PDZRN4: variants seen among roughly 807,000 people sequenced by gnomAD.
The protein encoded by PDZRN4 is PDZ domain containing ring finger 4.
PDZRN4 carries 70 observed loss-of-function variants against 99.0 expected under a neutral mutation model. The observed-to-expected ratio is 0.71, with a 90% CI of 0.58 to 0.86. The LOEUF (loss-of-function observed/expected upper bound fraction) is 0.86. Among genes scored for constraint, PDZRN4 ranks in the 40% least tolerant of loss-of-function variants. The pLI, the probability that PDZRN4 is intolerant of heterozygous loss-of-function variation, is 0.00. For synonymous variants in PDZRN4, 551 were observed against 501.6 expected, an observed-to-expected ratio of 1.10 and a Z score of -1.32; for missense variants, 1,474 against 1,331.2, an observed-to-expected ratio of 1.11 and a Z score of -1.67.
At chr12:41,465,876 C>T (rs1458174) in intron 3 of PDZRN4, among the ~76,000 whole-genome samples, 3,765 of 152,214 alleles carry the variant, frequency 0.025, 290 homozygotes, top group East Asian at 0.15. Context: ...AAAATATACA[C>T]ATTACTGTTT....
intron 3 of PDZRN4, among the ~76,000 whole-genome samples, chr12:41,296,024 A>G (rs1951491412): frequency 6.6e-6 from 1 of 152,184 alleles, no homozygotes; most frequent in Non-Finnish European, 1.5e-5. Flanking sequence ...CATAATTGAA[A>G]AGGATCTATG....
At chr12:41,515,351 G>T (rs954061634) in intron 5 of PDZRN4, among the ~76,000 whole-genome samples, 1 of 151,836 alleles carries the variant, frequency 6.6e-6, no homozygotes, top group East Asian at 1.9e-4. Context: ...CTTTTCTTCC[G>T]CTTGTTAGTC....
chr12:41,235,421 A>G (rs1327361202), intron 3 of PDZRN4, among the ~76,000 whole-genome samples: 1 of 152,152 alleles, frequency 6.6e-6, no homozygotes, highest in East Asian at 1.9e-4. Context: ...TTAAACTAAC[A>G]AAGAAGATAA....
chr12:41,494,813 TG>T lies in PDZRN4; in HGVS notation c.844-11642del, dbSNP rs1396806152. On this transcript the variant is annotated intron_variant, in intron 3 of 9. Coordinates refer to ENST00000402685, the MANE Select transcript of PDZRN4 (RefSeq NM_001164595.2). ...CGACTGAACTCGACAAGTGTCAGGC[TG>T]CATTCAAATGGCAGAATTGATTGTT... Among the ~76,000 whole-genome samples the T allele has an allele frequency of 3.3e-5, 5 of 152,124 alleles. No individual in the cohort carries two copies. In the East Asian group the frequency reaches 9.6e-4, roughly 29 times the overall value.
At chr12:41,322,618 G>A (rs1410515488) in intron 3 of PDZRN4, among the ~76,000 whole-genome samples, 3 of 146,772 alleles carry the variant, frequency 2.0e-5, no homozygotes, top group African/African-American at 5.0e-5. Flanking sequence ...AGCCTCCTGA[G>A]TAGCTGGGAC....
intron 3 of PDZRN4, among the ~76,000 whole-genome samples, chr12:41,350,943 C>A (rs1951885709): frequency 1.3e-5 from 2 of 152,032 alleles, no homozygotes; most frequent in Admixed American, 6.6e-5. Context: ...CTATTCATCA[C>A]AGTGTAATTT....
chr12:41,446,515 G>T (rs1592062190), intron 3 of PDZRN4, among the ~76,000 whole-genome samples: 1 of 119,226 alleles, frequency 8.4e-6, no homozygotes, highest in African/African-American at 3.7e-5. Flanking sequence ...AATCATGGTA[G>T]AATTTAGATG....
At chr12:41,201,461 C>T (rs918991924) in intron 3 of PDZRN4, among the ~76,000 whole-genome samples, 6 of 152,154 alleles carry the variant, frequency 3.9e-5, no homozygotes, top group African/African-American at 1.4e-4. Context: ...TTTCCCCCAA[C>T]AAATGTATGG....
At chr12:41,435,976 G>C (rs1952625536) in intron 3 of PDZRN4, among the ~76,000 whole-genome samples, 1 of 152,082 alleles carries the variant, frequency 6.6e-6, no homozygotes, top group Admixed American at 6.6e-5. Flanking sequence ...ACTTTCAAAA[G>C]CATCAGACAT....
At chr12:41,367,037 T>A (rs1261033804) in intron 3 of PDZRN4, among the ~76,000 whole-genome samples, 1 of 151,972 alleles carries the variant, frequency 6.6e-6, no homozygotes, top group Non-Finnish European at 1.5e-5. Context: ...CTCCCTAGAC[T>A]AGGGGGCATG....
chr12:41,398,694 G>T (rs1952267683), intron 3 of PDZRN4, among the ~76,000 whole-genome samples: 1 of 152,004 alleles, frequency 6.6e-6, no homozygotes, highest in African/African-American at 2.4e-5. Context: ...TATCACAACT[G>T]AAGCCTATTC....
rs183263675 is a variant in PDZRN4 at position 41,293,452 on chromosome 12, C to A, written c.843+99264C>A. On this transcript the variant is annotated intron_variant, in intron 3 of 9. Transcript: ENST00000402685. ...CCTGCGCTCCTGCTCTGTCAAGAGTCATCACCTAAATAGCCATAAAGCCAG... is the reference window on the plus strand; with the variant it reads ...CCTGCGCTCCTGCTCTGTCAAGAGTAATCACCTAAATAGCCATAAAGCCAG... Among the ~76,000 whole-genome samples, 289 of 151,912 alleles carry A rather than the reference C, an allele frequency of 1.9e-3. 2 individuals are homozygous for A. Among genetic ancestry groups the A allele is most frequent in the African/African-American group, 6.5e-3 (268 of 41,466 alleles).
chr12:41,242,450 G>A (rs983540627), intron 3 of PDZRN4, among the ~76,000 whole-genome samples: 3 of 152,136 alleles, frequency 2.0e-5, no homozygotes, highest in Admixed American at 1.3e-4. Flanking sequence ...TATTGGATGC[G>A]ATGTTAATAA....
chr12:41,542,643 T>C (rs1285888663), intron 5 of PDZRN4, among the ~76,000 whole-genome samples: 2 of 151,986 alleles, frequency 1.3e-5, no homozygotes, highest in East Asian at 3.9e-4. Context: ...ATGGTAACAA[T>C]AAAAAAGAGC....
At chr12:41,540,969 G>A (rs1938842511) in intron 5 of PDZRN4, among the ~76,000 whole-genome samples, 1 of 151,894 alleles carries the variant, frequency 6.6e-6, no homozygotes, top group Non-Finnish European at 1.5e-5. Flanking sequence ...CTGTCACCCA[G>A]CCTGGAGTGC....
At chr12:41,244,964 A>C (rs926672428) in intron 3 of PDZRN4, among the ~76,000 whole-genome samples, 5 of 151,926 alleles carry the variant, frequency 3.3e-5, no homozygotes, top group African/African-American at 9.7e-5. Context: ...TGCTGGGATT[A>C]CAGGCGTGAG....
rs371757720 is a variant in PDZRN4 at position 41,489,227 on chromosome 12, T to A, written c.844-17229T>A. Among the ~76,000 whole-genome samples the A allele has an allele frequency of 5.9e-5, 9 of 152,072 alleles. No individual in the cohort carries two copies. The East Asian group carries it at 9.6e-4, about 16-fold the overall frequency. Reference sequence around the variant, plus strand: ...TGCTAGTCTAGGGAATATTTGGCACTCTCTGGAGACATTTTTGGAGATGTT... The same window carrying A: ...TGCTAGTCTAGGGAATATTTGGCACACTCTGGAGACATTTTTGGAGATGTT... On this transcript the variant is annotated intron_variant, in intron 3 of 9. Coordinates refer to ENST00000402685, the MANE Select transcript of PDZRN4 (RefSeq NM_001164595.2).
chr12:41,533,724 A>G (rs1938703256), intron 5 of PDZRN4, among the ~76,000 whole-genome samples: 1 of 152,114 alleles, frequency 6.6e-6, no homozygotes, highest in African/African-American at 2.4e-5. Flanking sequence ...TTGCTTTGCA[A>G]GTGGTGGTGG....
chr12:41,271,643 G>T (rs1248137795), intron 3 of PDZRN4, among the ~76,000 whole-genome samples: 4 of 151,986 alleles, frequency 2.6e-5, no homozygotes, highest in Non-Finnish European at 5.9e-5. Flanking sequence ...AGTGATGATT[G>T]ATCACATTTT....
Sources: allele counts gnomAD v4.1 joint callset (sites outside exome capture counted in the v4.1 genomes callset), GRCh38; gene constraint gnomAD v4.1.1; transcripts MANE v1.5; gene names NCBI Gene and HGNC (gene_info 2026-07-23, HGNC 2026-07-21).